The following RNF180 variants were observed in gnomAD, a reference collection of about 807,000 sequenced individuals.
RNF180 encodes the protein ring finger protein 180.
A neutral mutation model predicts 59.2 loss-of-function variants in RNF180; 38 were observed. The observed-to-expected ratio is 0.64, with a 90% confidence interval of 0.50 to 0.84. RNF180 has a LOEUF of 0.84. RNF180 is among the 40% of genes least tolerant of loss of function. The pLI, the probability that RNF180 is intolerant of heterozygous loss-of-function variation, is 0.00. For synonymous variants in RNF180, 262 were observed against 240.3 expected, an observed-to-expected ratio of 1.09 and a Z score of -0.84; for missense variants, 705 against 700.9, an observed-to-expected ratio of 1.01 and a Z score of -0.07.
chr5:64,200,970 T>C (rs1321004978), intron 2 of RNF180, 28 bp downstream of exon 2: 2 of 1,605,026 alleles, frequency 1.2e-6, no homozygotes, highest in Non-Finnish European at 1.7e-6. Context: ...CAGTCTTCAG[T>C]TTCCTGGTAG....
rs533002635 is a variant in RNF180 at position 64,259,461 on chromosome 5, T to C, written c.1227+42065T>C. Among the ~76,000 whole-genome samples the C allele has an allele frequency of 5.9e-5, 9 of 152,318 alleles. 1 individual carries two copies. The highest frequency in any genetic ancestry group is 2.2e-4 in the African/African-American group (9 of 41,574). ...TCAGACTTGATCCTGGGAAAACTAG[T>C]CAAGTATAGACCTTGTGATGTTCAA... On this transcript the variant is annotated intron_variant, in intron 5 of 7. Coordinates refer to ENST00000389100, the MANE Select transcript of RNF180 (RefSeq NM_001113561.2).
intron 5 of RNF180, among the ~76,000 whole-genome samples, chr5:64,294,068 T>G (rs1272145952): frequency 6.6e-6 from 1 of 152,206 alleles, no homozygotes; most frequent in Admixed American, 6.5e-5. Flanking sequence ...TAGAACGATC[T>G]CCAACAATTG....
intron 5 of RNF180, among the ~76,000 whole-genome samples, chr5:64,260,098 T>C (rs1296437985): frequency 6.6e-6 from 1 of 152,228 alleles, no homozygotes; most frequent in Non-Finnish European, 1.5e-5. Context: ...TGTACAGATA[T>C]AATAGTACGT....
At chr5:64,332,401 A>C (rs778490659) in intron 7 of RNF180, among the ~76,000 whole-genome samples, 5 of 152,206 alleles carry the variant, frequency 3.3e-5, no homozygotes, top group Non-Finnish European at 7.3e-5. Context: ...CCTTGGTGTC[A>C]GGGTGTCTTA....
chr5:64,187,136 A>T (rs1335838996), intron 1 of RNF180, among the ~76,000 whole-genome samples: 3 of 152,194 alleles, frequency 2.0e-5, no homozygotes, highest in African/African-American at 4.8e-5. Context: ...GGCATTCAAG[A>T]CTAAGTGCCT....
intron 5 of RNF180, among the ~76,000 whole-genome samples, chr5:64,268,682 C>G (rs1744829405): frequency 6.6e-6 from 1 of 152,188 alleles, no homozygotes; most frequent in African/African-American, 2.4e-5. Flanking sequence ...CCAAGGCATT[C>G]TAATTTCCTT....
At chr5:64,365,214 C>T (rs1746401523) in intron 7 of RNF180, among the ~76,000 whole-genome samples, 1 of 151,558 alleles carries the variant, frequency 6.6e-6, no homozygotes, top group Non-Finnish European at 1.5e-5. Context: ...TTTAACTCTT[C>T]TCATTAGTTT....
intron 5 of RNF180, among the ~76,000 whole-genome samples, chr5:64,273,382 A>G (rs1741534818): frequency 6.6e-6 from 1 of 151,990 alleles, no homozygotes; most frequent in Non-Finnish European, 1.5e-5. Context: ...CCATTCTTTT[A>G]TTCCTTTACT....
intron 7 of RNF180, among the ~76,000 whole-genome samples, chr5:64,348,275 T>C (rs1348093761): frequency 1.3e-5 from 2 of 152,118 alleles, no homozygotes; most frequent in Non-Finnish European, 2.9e-5. Context: ...TACTTTTTTC[T>C]GGCCTGAGAA....
intron 5 of RNF180, among the ~76,000 whole-genome samples, chr5:64,273,864 A>C (rs1741568001): frequency 6.6e-6 from 1 of 152,064 alleles, no homozygotes; most frequent in Non-Finnish European, 1.5e-5. Flanking sequence ...TGAAGGTTTC[A>C]AAAGAGTCAT....
intron 1 of RNF180, among the ~76,000 whole-genome samples, chr5:64,181,841 C>T (rs937822711): frequency 2.0e-5 from 3 of 151,954 alleles, no homozygotes; most frequent in Non-Finnish European, 2.9e-5. Flanking sequence ...TTATGAACAC[C>T]GTGTTTTATA....
At chr5:64,191,358 A>G (rs1405716573) in intron 1 of RNF180, among the ~76,000 whole-genome samples, 3 of 152,188 alleles carry the variant, frequency 2.0e-5, no homozygotes, top group South Asian at 2.1e-4. Context: ...AGTTCTGTGG[A>G]TGTTGACAAA....
intron 3 of RNF180, 138 bp downstream of exon 3, chr5:64,212,298 ACTT>A (rs1185465904): frequency 1.6e-5 from 10 of 611,886 alleles, no homozygotes; most frequent in Admixed American, 2.8e-5. Flanking sequence ...CTCTCTTCAC[ACTT>A]CTTTTCTCCT....
chr5:64,238,231 C>T (rs1174798801), intron 5 of RNF180, among the ~76,000 whole-genome samples: 1 of 152,104 alleles, frequency 6.6e-6, no homozygotes, highest in Non-Finnish European at 1.5e-5. Flanking sequence ...TTTCTTTATG[C>T]ATTAACCTGT....
chr5:64,357,375 A>G (rs986257325), intron 7 of RNF180, among the ~76,000 whole-genome samples: 2 of 151,940 alleles, frequency 1.3e-5, no homozygotes, highest in African/African-American at 2.4e-5. Flanking sequence ...TGAAGCAGTA[A>G]AATATTGTGC....
chr5:64,199,545 T>C (rs1362123478), intron 1 of RNF180, among the ~76,000 whole-genome samples: 1 of 152,212 alleles, frequency 6.6e-6, no homozygotes, highest in Non-Finnish European at 1.5e-5. Flanking sequence ...AAACTGTTGA[T>C]CTGTAGCATA....
rs1481168347 is a variant in RNF180, at chr5:64,275,322, A to G, written c.1228-49864A>G. ...TAGAGAATAAGATATAGAATTCTCTAAATCTTATTCTCTAAATCTTATTCT... is the reference window on the plus strand; with the variant it reads ...TAGAGAATAAGATATAGAATTCTCTGAATCTTATTCTCTAAATCTTATTCT... On this transcript the variant is annotated intron_variant, in intron 5 of 7. Transcript: ENST00000389100. Among the ~76,000 whole-genome samples the G allele has an allele frequency of 2.1e-5, 3 of 145,730 alleles. No individual in the cohort carries two copies. The South Asian group carries it at 6.5e-4, about 32-fold the overall frequency.
At chr5:64,317,598 A>ATG (rs1491202757) in intron 5 of RNF180, among the ~76,000 whole-genome samples, 23 of 113,766 alleles carry the variant, frequency 2.0e-4, no homozygotes, top group Non-Finnish European at 3.2e-4. Context: ...ACATATTTAT[A>ATG]CACACACACA....
chr5:64,289,921 G>T (rs1409430864), intron 5 of RNF180, among the ~76,000 whole-genome samples: 1 of 151,846 alleles, frequency 6.6e-6, no homozygotes, highest in African/African-American at 2.4e-5. Flanking sequence ...CTTGTCTTCT[G>T]CTAGCTTTAG....
Sources: allele counts gnomAD v4.1 joint callset (sites outside exome capture counted in the v4.1 genomes callset), GRCh38; gene constraint gnomAD v4.1.1; transcripts MANE v1.5; gene names NCBI Gene and HGNC (gene_info 2026-07-23, HGNC 2026-07-21).